Variants in ZBTB38 observed in about 807,000 individuals in gnomAD.
ZBTB38 encodes the protein zinc finger and BTB domain containing 38.
ZBTB38 carries 20 observed loss-of-function variants against 76.8 expected under a neutral mutation model. That is an observed-to-expected ratio of 0.26 (90% CI 0.18 to 0.38). The LOEUF (loss-of-function observed/expected upper bound fraction) is 0.38, where lower values mean the gene tolerates loss of function less well. Among genes scored for constraint, ZBTB38 ranks in the 10% least tolerant of loss-of-function variants. ZBTB38 has a pLI of 1.00. For synonymous variants in ZBTB38, 504 were observed against 544.2 expected, an observed-to-expected ratio of 0.93 and a Z score of 1.03; for missense variants, 1,082 against 1,482.3, an observed-to-expected ratio of 0.73 and a Z score of 4.43.
At chr3:141,356,240 A>G (rs1943659123) in intron 1 of ZBTB38, among the ~76,000 whole-genome samples, 1 of 152,112 alleles carries the variant, frequency 6.6e-6, no homozygotes, top group Non-Finnish European at 1.5e-5. Context: ...GGAAATGGCA[A>G]TTTGTTAGGA....
chr3:141,426,126 C>A, intron 5 of ZBTB38: 2 of 1,289,220 alleles, frequency 1.6e-6, no homozygotes, highest in Non-Finnish European at 2.0e-6. Flanking sequence ...AGTTCTCAGA[C>A]AGGCTGCCCA....
In ZBTB38 at chr3:141,445,217, C is replaced by T. The variant is rs368926999; in HGVS notation, c.2829C>T (p.His943=). The T allele has an allele frequency of 1.6e-4, 253 of 1,613,776 alleles. 2 individuals are homozygous for T. Among genetic ancestry groups the T allele is most frequent in the South Asian group, 9.0e-4 (82 of 91,088 alleles). The stretch of plus-strand genomic sequence containing the variant: ...GGAAAGTCAACTGGAGGAAGGAGCA[C>T]GGAAACAGGAGCCCGAGCCATAAAT... ...KMRKVNWRKE[H]GNRSPSHKCK... Residue 943 remains histidine (H), a synonymous_variant, in exon 6 of 6, where the codon CAC becomes CAT. Coordinates refer to ENST00000321464, the MANE Select transcript of ZBTB38 (RefSeq NM_001376113.1). The surrounding 1 kb of genome is among the most constrained non-coding windows in gnomAD (Gnocchi z 6.5).
At chr3:141,358,958 C>T (rs1021886557) in intron 1 of ZBTB38, among the ~76,000 whole-genome samples, 6 of 152,126 alleles carry the variant, frequency 3.9e-5, no homozygotes, top group Admixed American at 3.9e-4. Context: ...TGGGGCTGGG[C>T]GACCAAGGAG....
intron 2 of ZBTB38, among the ~76,000 whole-genome samples, chr3:141,373,364 G>A (rs909211993): frequency 6.6e-6 from 1 of 152,106 alleles, no homozygotes; most frequent in Non-Finnish European, 1.5e-5. Flanking sequence ...ATCTGAGCCT[G>A]GCCTTGTTGA....
rs565977029 is a variant in ZBTB38 at position 141,425,985 on chromosome 3, A to C, written c.1-16404A>C. 155 of 401,816 alleles carry C rather than the reference A, an allele frequency of 3.9e-4. 2 individuals carry two copies. The highest frequency in any genetic ancestry group is 2.8e-3 in the South Asian group (147 of 52,694). The allele number at this position is 401,816 out of a possible 1,614,324, so 24.9% of individuals were successfully genotyped here. On this transcript the variant is annotated intron_variant, in intron 5 of 5. Transcript: ENST00000321464. ...GTGTGTAGAACGGTGCAGAGCACAC[A>C]GCACATATATGCTTGTTAGGTGTTG...
upstream of ZBTB38, among the ~76,000 whole-genome samples, chr3:141,364,554 G>A (rs983553851): frequency 2.0e-4 from 30 of 151,740 alleles, no homozygotes; most frequent in Non-Finnish European, 3.5e-4. Flanking sequence ...GCACATGCCT[G>A]TAATCCCAGC....
chr3:141,325,717 G>A (rs751846680), intron 1 of ZBTB38, among the ~76,000 whole-genome samples: 36 of 152,320 alleles, frequency 2.4e-4, no homozygotes, highest in Non-Finnish European at 3.8e-4. Context: ...GAGTTGAAGT[G>A]TTTGCTAGAC....
chr3:141,342,962 A>G (rs1943241602), intron 1 of ZBTB38, among the ~76,000 whole-genome samples: 1 of 152,130 alleles, frequency 6.6e-6, no homozygotes, highest in South Asian at 2.1e-4. Flanking sequence ...ACAAACCTGC[A>G]ATGTCAATAT....
intron 1 of ZBTB38, among the ~76,000 whole-genome samples, chr3:141,360,343 C>T (rs1015991682): frequency 3.9e-5 from 6 of 152,102 alleles, no homozygotes; most frequent in Admixed American, 2.0e-4. Context: ...CTTGTTTCGG[C>T]GTGTGCCTGG....
intron 5 of ZBTB38, among the ~76,000 whole-genome samples, chr3:141,440,914 G>C (rs1205253183): frequency 6.6e-6 from 1 of 151,234 alleles, no homozygotes; most frequent in Middle Eastern, 3.2e-3. Context: ...TGCACCTGTA[G>C]TCCCAGCTAC....
intron 2 of ZBTB38, among the ~76,000 whole-genome samples, chr3:141,381,141 T>C (rs979103438): frequency 6.6e-6 from 1 of 152,158 alleles, no homozygotes; most frequent in Non-Finnish European, 1.5e-5. Context: ...AAAATGAGCA[T>C]GTGATTGGGT....
At position 141,439,072 on chromosome 3, in the gene ZBTB38, G is replaced by T. The variant is rs114379190; in HGVS notation, c.1-3317G>T. Among the ~76,000 whole-genome samples, 666 of 147,712 alleles carry T rather than the reference G, an allele frequency of 4.5e-3. 5 individuals are homozygous for T. Among genetic ancestry groups the T allele is most frequent in the African/African-American group, 0.016 (635 of 39,878 alleles). ...TAATCCAGGGCCTCTGTAAATAATT[G>T]TACTTACTCTTCTAACATTTTATAC... On this transcript the variant is annotated intron_variant, in intron 5 of 5. Transcript: ENST00000321464.
At chr3:141,433,322 T>C (rs2078015284) in intron 5 of ZBTB38, among the ~76,000 whole-genome samples, 1 of 143,650 alleles carries the variant, frequency 7.0e-6, no homozygotes, top group Non-Finnish European at 1.5e-5. Flanking sequence ...TTGACTTTTG[T>C]TTTGTTTTTT....
intron 1 of ZBTB38, among the ~76,000 whole-genome samples, chr3:141,327,075 G>A (rs7636469): frequency 0.33 from 50,024 of 152,106 alleles, 8,902 homozygotes; most frequent in Non-Finnish European, 0.4. Flanking sequence ...AAAGGTCCCT[G>A]TAAAGTCAGG....
intron 3 of ZBTB38, among the ~76,000 whole-genome samples, chr3:141,382,572 TTA>T (rs1019589012): frequency 4.6e-5 from 7 of 152,162 alleles, no homozygotes; most frequent in Non-Finnish European, 8.8e-5. Context: ...TGAAATATAT[TTA>T]TGTCATTTAT....
chr3:141,444,132 C>G lies in ZBTB38; in HGVS notation c.1744C>G (p.Arg582Gly). 6.2e-7 allele frequency: 1 copy of G among 1,613,848 alleles called. No homozygotes were observed. The highest frequency in any genetic ancestry group is 8.5e-7 in the Non-Finnish European group (1 of 1,179,904). ...KCKRAPYKSY[R>G]NSSYENAREN... The stretch of plus-strand genomic sequence containing the variant: ...CAAGAGAGCCCCTTATAAGAGCTAC[C>G]GAAATTCTTCCTATGAAAATGCACG... Residue 582 changes from arginine to glycine, a missense_variant, in exon 6 of 6, where the codon CGA (arginine) becomes GGA (glycine). This residue lies in a region of ZBTB38 where 471 missense variants were observed against 581.0 expected (regional missense o/e 0.81). Coordinates refer to ENST00000321464, the MANE Select transcript of ZBTB38 (RefSeq NM_001376113.1). This position sits in a 1 kb window ranked among gnomAD's most constrained non-coding sequence, Gnocchi z 5.1.
chr3:141,392,710 G>T (rs1467246162), intron 4 of ZBTB38: 1 of 152,194 alleles, frequency 6.6e-6, no homozygotes, highest in Non-Finnish European at 1.5e-5. Flanking sequence ...AATAACGGCT[G>T]CCACTTTTGC....
chr3:141,424,284 C>T (rs935322034), intron 5 of ZBTB38, among the ~76,000 whole-genome samples: 8 of 152,106 alleles, frequency 5.3e-5, no homozygotes, highest in Non-Finnish European at 2.9e-5. Context: ...TTTGGGAGGC[C>T]AAAGCCAGAG....
chr3:141,418,363 C>G (rs1037677281), intron 5 of ZBTB38, among the ~76,000 whole-genome samples: 6 of 152,320 alleles, frequency 3.9e-5, no homozygotes, highest in African/African-American at 1.4e-4. Flanking sequence ...AAAAGAATGC[C>G]TTTTTCCCTC....
Sources: gnomAD v4.1 joint callset for allele counts (sites outside exome capture counted in the v4.1 genomes callset) on GRCh38, gnomAD v4.1.1 for gene constraint, gnomAD v4.1.1 regional missense constraint, Gnocchi (gnomAD v3.1) non-coding constraint, MANE v1.5 for transcripts, NCBI Gene and HGNC (gene_info 2026-07-23, HGNC 2026-07-21) for gene names.